LILRA6: variants seen among roughly 807,000 people sequenced by gnomAD.
LILRA6 encodes leukocyte immunoglobulin like receptor A6.
In LILRA6, 16 loss-of-function variants were observed where a neutral mutation model predicts 53.9. That is an observed-to-expected ratio of 0.30 (90% CI 0.20 to 0.45). The LOEUF (loss-of-function observed/expected upper bound fraction) is 0.45, where lower values mean the gene tolerates loss of function less well. Among genes scored for constraint, LILRA6 ranks in the 20% least tolerant of loss-of-function variants. The pLI is 1.00. For missense variants in LILRA6, 306 were observed against 618.6 expected (o/e 0.49, Z 5.36); for synonymous variants, 135 against 256.4 (o/e 0.53, Z 4.52).
exon 4 of LILRA6, chr19:54,241,806 T>C (rs111666280): frequency 0.37 from 351,936 of 947,506 alleles, 119,309 homozygotes; most frequent in African/African-American, 0.65. Context: ...TGAGCCACAT[T>C]GGAGGGTCAT....
At chr19:54,237,812 T>A (rs1437302854), downstream of LILRA6, 3 of 150,888 alleles carry the variant, frequency 2.0e-5, no homozygotes, top group African/African-American at 7.4e-5. Context: ...TTGTAGATTT[T>A]GTCTGTGCCT....
At chr19:54,237,687 T>C (rs2078655535), downstream of LILRA6, 1 of 150,832 alleles carries the variant, frequency 6.6e-6, no homozygotes, top group Non-Finnish European at 1.5e-5. Flanking sequence ...CTATTTTGAG[T>C]TTGCCTCCCT....
chr19:54,238,700 C>G (rs781287845), exon 8 of LILRA6: 1 of 527,720 alleles, frequency 1.9e-6, no homozygotes, highest in Non-Finnish European at 3.1e-6. Flanking sequence ...TCTCTGGGAA[C>G]TTAAGACAGA....
At chr19:54,238,272 C>T (rs112113079), downstream of LILRA6, 6,492 of 149,752 alleles carry the variant, frequency 0.043, 269 homozygotes, top group African/African-American at 0.16. Flanking sequence ...TTCCTGAACT[C>T]GTGTCCGCCC....
At chr19:54,240,535 G>A (rs2078728441) in exon 6 of LILRA6, 2 of 1,609,588 alleles carry the variant, frequency 1.2e-6, no homozygotes, top group Non-Finnish European at 1.7e-6. Context: ...GCCACTGTGG[G>A]GCCCGGCTGT....
In LILRA6 at chr19:54,241,825, CT is replaced by C. The variant is rs2078771876; in HGVS notation, c.408del (p.Asn139IlefsTer2). On this transcript the variant is annotated frameshift_variant, in exon 4 of 8. Coordinates refer to ENST00000396365, the Ensembl canonical transcript of LILRA6. LOFTEE classifies it high-confidence loss of function. ...CCACATTGGAGGGTCATATTCCCCC[CT>C]GAGGCCACCACAGGGCTGGGCAGGG... The C allele has an allele frequency of 7.5e-7, 1 of 1,328,874 alleles. No individual in the cohort carries two copies. The highest frequency in any genetic ancestry group is 1.0e-6 in the Non-Finnish European group (1 of 963,730). 82.3% of individuals were successfully genotyped at this position (1,328,874 alleles called of 1,614,324 possible). A position where few individuals can be genotyped will look rare whatever the true frequency, so the allele number is the denominator to read the frequency against.
intron 7 of LILRA6, 142 bp from the exon 8 acceptor site, chr19:54,239,231 GT>G: frequency 6.5e-7 from 1 of 1,543,734 alleles, no homozygotes; most frequent in Non-Finnish European, 8.7e-7. Flanking sequence ...TGTCTGACTT[GT>G]TTTGTGATGG....
chr19:54,241,871 A>G (rs879067767), exon 4 of LILRA6: 103,500 of 1,249,876 alleles, frequency 0.083, 20,113 homozygotes, highest in East Asian at 0.24. Context: ...TGGGTTTGCT[A>G]TAGGCTCCTA....
chr19:54,239,450 A>T, intron 7 of LILRA6: 1 of 618,134 alleles, frequency 1.6e-6, no homozygotes, highest in Non-Finnish European at 2.7e-6. Context: ...ATGAATTTCA[A>T]CGCTGCTCCT....
exon 8 of LILRA6, chr19:54,238,787 G>C (rs922734217): frequency 3.1e-5 from 40 of 1,274,614 alleles, no homozygotes; most frequent in Non-Finnish European, 4.1e-5. Flanking sequence ...TGGAAGTAAG[G>C]TGGAGACCCA....
In LILRA6 at chr19:54,239,185, T is replaced by G. The variant is rs1443918068; in HGVS notation, c.1310-96A>C. On this transcript the variant is annotated intron_variant, in intron 7 of 7. Coordinates refer to ENST00000396365, the Ensembl canonical transcript of LILRA6. ...AACCCAGGGCACCCCCCATCCGCCA[T>G]TGACAGAACCTGACCCTCTGTGCCC... is the stretch of plus-strand genomic sequence containing the variant. 1.3e-6 allele frequency: 2 copies of G among 1,585,874 alleles called. 1 individual carries two copies. Among genetic ancestry groups the G allele is most frequent in the East Asian group, 4.5e-5 (2 of 44,256 alleles).
rs746751766 is a variant in LILRA6 at position 54,240,819 on chromosome 19, T to G, written c.955+12A>C. ...AGCCTGGGTCCCTGACTGAACCCGC[T>G]GGGCTCCTCACCTGCCATCAGGATG... On this transcript the variant is annotated intron_variant, in intron 5 of 7. Coordinates refer to ENST00000396365, the Ensembl canonical transcript of LILRA6. 4.3e-6 allele frequency: 7 copies of G among 1,612,978 alleles called. No individual in the cohort carries two copies. In the African/African-American group the frequency reaches 9.3e-5, roughly 22 times the overall value.
exon 8 of LILRA6, chr19:54,238,749 G>T: frequency 1.1e-6 from 1 of 885,734 alleles, no homozygotes; most frequent in East Asian, 3.0e-5. Context: ...TTTTCCGTGG[G>T]TCTCAACTGG....
rs185697223 is a variant in LILRA6 at position 54,239,297 on chromosome 19, C to T, written c.1310-208G>A. The stretch of plus-strand genomic sequence containing the variant: ...AAAACAGAAGGGGAGAGCCCTGAGC[C>T]AGCCTCTCCCCTGGGCTCTGCGTTC... On this transcript the variant is annotated intron_variant, in intron 7 of 7. Coordinates refer to ENST00000396365, the Ensembl canonical transcript of LILRA6. The T allele has an allele frequency of 8.1e-4, 1,171 of 1,436,866 alleles. 67 individuals carry two copies. The African/African-American group carries it at 0.012, about 14-fold the overall frequency. The allele number at this position is 1,436,866 out of a possible 1,614,324, so 89.0% of individuals were successfully genotyped here. A position where few individuals can be genotyped will look rare whatever the true frequency, so the allele number is the denominator to read the frequency against.
At chr19:54,240,556 A>C (rs1225953886) in exon 6 of LILRA6, 1 of 1,609,210 alleles carries the variant, frequency 6.2e-7, no homozygotes, top group Non-Finnish European at 8.5e-7. Context: ...GCTGACAGGG[A>C]GACGGTGTCA....
chr19:54,238,065 G>C (rs2078660452), downstream of LILRA6: 1 of 133,972 alleles, frequency 7.5e-6, no homozygotes, highest in Admixed American at 7.3e-5. Context: ...CTGTCACCTG[G>C]GCCGGAGTGC....
downstream of LILRA6, chr19:54,237,946 AATGAAACCTCACCAT>A (rs1255944892): frequency 6.7e-6 from 1 of 150,108 alleles, no homozygotes; most frequent in Non-Finnish European, 1.5e-5. Flanking sequence ...TGTTGTTGTG[AATGAAACCTCACCAT>A]ATGAACACAT....
intron 7 of LILRA6, chr19:54,239,372 C>G: frequency 1.2e-6 from 1 of 801,246 alleles, no homozygotes; most frequent in Non-Finnish European, 1.9e-6. Context: ...CCTCAATAAA[C>G]CCTCCCTCTC....
chr19:54,241,628 G>T, exon 4 of LILRA6: 4 of 1,497,672 alleles, frequency 2.7e-6, no homozygotes, highest in Non-Finnish European at 3.6e-6. Context: ...CCCGGGGGGT[G>T]TTCATATAAT....
Sources: gnomAD v4.1 joint callset for allele counts on GRCh38, gnomAD v4.1.1 for gene constraint, MANE v1.5 for transcripts, NCBI Gene and HGNC (gene_info 2026-07-23, HGNC 2026-07-21) for gene names.